Variants in ABCA13 observed in about 807,000 individuals in gnomAD.
The protein encoded by ABCA13 is ATP binding cassette subfamily A member 13, also known as ATP-binding cassette sub-family A member 13.
A neutral mutation model predicts 478.7 loss-of-function variants in ABCA13; 476 were observed. The observed-to-expected ratio is 0.99, with a 90% CI of 0.92 to 1.07. The LOEUF (loss-of-function observed/expected upper bound fraction) is 1.07. Ranked by LOEUF, ABCA13 falls within the 50% of genes least tolerant of loss-of-function variation. The pLI is 0.00. For synonymous variants in ABCA13, 2,252 were observed against 2,158.9 expected, an observed-to-expected ratio of 1.04 and a Z score of -1.20; for missense variants, 6,060 against 5,910.6, an observed-to-expected ratio of 1.03 and a Z score of -0.83.
intron 53 of ABCA13, among the ~76,000 whole-genome samples, chr7:48,523,744 C>T (rs1832711055): frequency 6.6e-6 from 1 of 152,068 alleles, no homozygotes; most frequent in Non-Finnish European, 1.5e-5. Flanking sequence ...TTGCATTCCT[C>T]TGATAGATAC....
chr7:48,423,330 C>T (rs1290084490), intron 41 of ABCA13, among the ~76,000 whole-genome samples: 1 of 152,216 alleles, frequency 6.6e-6, no homozygotes, highest in Admixed American at 6.5e-5. Flanking sequence ...TTCCTCTGCT[C>T]AAGTCATCAC....
chr7:48,436,133 T>C (rs1171483079), intron 42 of ABCA13, among the ~76,000 whole-genome samples: 2 of 151,722 alleles, frequency 1.3e-5, no homozygotes, highest in Admixed American at 1.3e-4. Context: ...AATTTACCAG[T>C]GAAGACATCT....
rs376805480 is a variant in ABCA13 at position 48,415,408 on chromosome 7, G to A, written c.12459+2825G>A. ...CTCTAATCATTCACCGGGTTAATCC[G>A]GTTGTTTACTAGTTGTATGGTGTCT... is the stretch of plus-strand genomic sequence containing the variant. On this transcript the variant is annotated intron_variant, in intron 41 of 61. Transcript: ENST00000435803. 2.0e-4 allele frequency among the ~76,000 whole-genome samples: 30 copies of A among 152,190 alleles called. 1 individual carries two copies. The South Asian group carries it at 4.1e-3, about 21-fold the overall frequency.
Position 48,279,043 on chromosome 7 carries a change from A to C in ABCA13, c.7849A>C (p.Met2617Leu). The C allele has an allele frequency of 6.2e-7, 1 of 1,613,244 alleles. No homozygotes were observed. The highest frequency in any genetic ancestry group is 8.5e-7 in the Non-Finnish European group (1 of 1,179,812). Residue 2617 changes from methionine (M) to leucine (L), a missense_variant, in exon 18 of 62, where the codon ATG (methionine) becomes CTG (leucine). Transcript: ENST00000435803. ...ATCATCAAACTCTGATATTTTCAGT[A>C]TGTCACCTAGCATACTCTCATATAT... ...YISSNSDIFS[M>L]SPSILSYMNQ...
intron 38 of ABCA13, among the ~76,000 whole-genome samples, chr7:48,394,358 C>T (rs1816520045): frequency 6.6e-6 from 1 of 152,172 alleles, no homozygotes; most frequent in African/African-American, 2.4e-5. Context: ...CCTGAGCACA[C>T]TGAACAGGCC....
At chr7:48,426,477 G>A (rs1012281366) in intron 41 of ABCA13, among the ~76,000 whole-genome samples, 1 of 152,182 alleles carries the variant, frequency 6.6e-6, no homozygotes, top group Admixed American at 6.5e-5. Context: ...GAATGGTGAG[G>A]TTGTGTAGAG....
At chr7:48,302,742 C>T (rs1339773990) in intron 23 of ABCA13, among the ~76,000 whole-genome samples, 2 of 152,104 alleles carry the variant, frequency 1.3e-5, no homozygotes, top group Non-Finnish European at 2.9e-5. Flanking sequence ...GTCCAGTTTG[C>T]CCTTGATGGG....
At chr7:48,402,471 T>C (rs1817737463) in intron 38 of ABCA13, among the ~76,000 whole-genome samples, 1 of 152,190 alleles carries the variant, frequency 6.6e-6, no homozygotes, top group South Asian at 2.1e-4. Context: ...TTGTCCACAC[T>C]GGGAACACAT....
At chr7:48,533,299 A>C (rs1019115333) in intron 55 of ABCA13, among the ~76,000 whole-genome samples, 1 of 152,012 alleles carries the variant, frequency 6.6e-6, no homozygotes, top group Non-Finnish European at 1.5e-5. Flanking sequence ...ATGTATTTGC[A>C]TGGTTTTGAG....
At chr7:48,175,265 G>A (rs1368807787) in intron 1 of ABCA13, among the ~76,000 whole-genome samples, 1 of 151,766 alleles carries the variant, frequency 6.6e-6, no homozygotes, top group Non-Finnish European at 1.5e-5. Flanking sequence ...GATAATAATT[G>A]CACATATTCA....
Position 48,274,336 on chromosome 7 carries a change from T to C in ABCA13, c.4670T>C (p.Leu1557Pro). 6.2e-7 allele frequency: 1 copy of C among 1,613,482 alleles called. No homozygotes were observed. Among genetic ancestry groups the C allele is most frequent in the Non-Finnish European group, 8.5e-7 (1 of 1,179,718 alleles). ...LITLGKEFQKLVKGIYFNILE... is the reference protein window; with the variant it reads ...LITLGKEFQKPVKGIYFNILE... ...ACACTGGGGAAGGAATTTCAGAAGC[T>C]TGTAAAAGGTATTTACTTTAACATC... Residue 1557 changes from leucine to proline, a missense_variant, in exon 17 of 62, where the codon CTT (leucine) becomes CCT (proline). Leu to Pro is a moderately conservative substitution (Grantham distance 98). This residue lies in a region of ABCA13 where 4,423 missense variants were observed against 4,309.1 expected (regional missense o/e 1.03). Transcript: ENST00000435803.
chr7:48,324,555 G>A (rs771540226), intron 27 of ABCA13, among the ~76,000 whole-genome samples: 1 of 152,156 alleles, frequency 6.6e-6, no homozygotes, highest in Non-Finnish European at 1.5e-5. Flanking sequence ...TATGAAACTT[G>A]TGAACCCTGT....
intron 47 of ABCA13, among the ~76,000 whole-genome samples, chr7:48,484,279 T>C (rs13221147): frequency 0.032 from 4,883 of 152,350 alleles, 127 homozygotes; most frequent in South Asian, 0.12. Flanking sequence ...CCAGTCATAG[T>C]GTGGACGATT....
At chr7:48,310,540 C>A (rs1056037488) in intron 24 of ABCA13, among the ~76,000 whole-genome samples, 11 of 152,152 alleles carry the variant, frequency 7.2e-5, no homozygotes, top group Non-Finnish European at 1.5e-4. Flanking sequence ...TGGTCCACTC[C>A]TGAGCGGCCC....
intron 41 of ABCA13, among the ~76,000 whole-genome samples, chr7:48,426,811 T>C (rs1460314463): frequency 6.6e-6 from 1 of 152,200 alleles, no homozygotes; most frequent in Non-Finnish European, 1.5e-5. Context: ...TACTGCATGC[T>C]TCCAGAGTCT....
intron 20 of ABCA13, among the ~76,000 whole-genome samples, chr7:48,292,066 C>T (rs1462572868): frequency 6.6e-6 from 1 of 152,166 alleles, no homozygotes; most frequent in Non-Finnish European, 1.5e-5. Context: ...ACCTAAAAAT[C>T]CCAATTACTT....
intron 42 of ABCA13, among the ~76,000 whole-genome samples, chr7:48,446,759 T>G (rs144338699): frequency 6.6e-6 from 1 of 152,284 alleles, no homozygotes; most frequent in East Asian, 1.9e-4. Context: ...TTTAACCAAA[T>G]TTCCTCAAAT....
chr7:48,597,917 A>T (rs539970514), intron 58 of ABCA13, among the ~76,000 whole-genome samples: 1 of 152,280 alleles, frequency 6.6e-6, no homozygotes, highest in East Asian at 1.9e-4. Flanking sequence ...AGAGTGATAC[A>T]TTTATTAAAA....
At chr7:48,594,845 T>C in intron 58 of ABCA13, 32 bp downstream of exon 58, 2 of 1,583,112 alleles carry the variant, frequency 1.3e-6, no homozygotes, top group Non-Finnish European at 1.7e-6. Flanking sequence ...AGCCATTTCC[T>C]GATAAGACTG....
Sources: gnomAD v4.1 joint callset for allele counts (sites outside exome capture counted in the v4.1 genomes callset) on GRCh38, gnomAD v4.1.1 for gene constraint, gnomAD v4.1.1 regional missense constraint, MANE v1.5 for transcripts, NCBI Gene and HGNC (gene_info 2026-07-23, HGNC 2026-07-21) for gene names.